The following CD2AP variants were observed in gnomAD, a reference collection of about 807,000 sequenced individuals.
CD2AP encodes the protein CD2 associated protein, also known as CD2-associated protein.
A neutral mutation model predicts 85.1 loss-of-function variants in CD2AP; 46 were observed. The observed-to-expected ratio is 0.54, with a 90% CI of 0.43 to 0.69. The LOEUF is 0.69. CD2AP is among the 30% of genes least tolerant of loss of function. The probability of loss-of-function intolerance (pLI) is 0.00; values close to 1 mark genes in which losing one functional copy is unlikely to be tolerated. For synonymous variants in CD2AP, 255 were observed against 252.9 expected (o/e 1.01, Z -0.08); for missense variants, 769 against 729.5 (o/e 1.05, Z -0.62).
intron 2 of CD2AP, among the ~76,000 whole-genome samples, chr6:47,505,843 C>CG (rs1214225662): frequency 8.7e-5 from 10 of 114,310 alleles, no homozygotes; most frequent in Admixed American, 1.6e-4. Flanking sequence ...GCTGTCCGGG[C>CG]GGGGGGGCTG....
chr6:47,583,730 G>T (rs1296915868), intron 11 of CD2AP, among the ~76,000 whole-genome samples: 1 of 152,170 alleles, frequency 6.6e-6, no homozygotes, highest in South Asian at 2.1e-4. Flanking sequence ...CTATAAATGT[G>T]TGTAGGTCTT....
chr6:47,537,115 T>C (rs927690563), intron 3 of CD2AP, among the ~76,000 whole-genome samples: 1 of 152,246 alleles, frequency 6.6e-6, no homozygotes, highest in Non-Finnish European at 1.5e-5. Context: ...GTGTTTATAC[T>C]GCAAGGGATG....
At position 47,514,479 on chromosome 6, in the gene CD2AP, T is replaced by A. The variant is rs536036078; in HGVS notation, c.165+11039T>A. On this transcript the variant is annotated intron_variant, in intron 2 of 17. Coordinates refer to ENST00000359314, the MANE Select transcript of CD2AP (RefSeq NM_012120.3). ...GGGTATAACTTTGATTCAGTATCAA[T>A]GTCTTGGCTAGTTCATATTTGGCAC... Among the ~76,000 whole-genome samples, 8 of 152,348 alleles carry A rather than the reference T, an allele frequency of 5.3e-5. No homozygotes were observed. In the South Asian group the frequency reaches 1.0e-3, roughly 20 times the overall value.
chr6:47,480,780 TC>T (rs1765422906), intron 1 of CD2AP, among the ~76,000 whole-genome samples: 1 of 152,238 alleles, frequency 6.6e-6, no homozygotes, highest in Non-Finnish European at 1.5e-5. Flanking sequence ...TAGGATATTT[TC>T]TTTAAATAAA....
chr6:47,477,916 CG>C lies in CD2AP; in HGVS notation c.-327del. The C allele has an allele frequency of 2.2e-6, 1 of 462,568 alleles. No individual in the cohort carries two copies. Among genetic ancestry groups the C allele is most frequent in the Non-Finnish European group, 3.9e-6 (1 of 258,590 alleles). The allele number at this position is 462,568 out of a possible 1,614,324, so 28.7% of individuals were successfully genotyped here. A position where few individuals can be genotyped will look rare whatever the true frequency, so the allele number is the denominator to read the frequency against. The stretch of plus-strand genomic sequence containing the variant: ...GTTGGAGCCGAGGGTCTGGGCAAAC[CG>C]GTGGGTCCCTCCCCACTGCGGGAGC... On this transcript the variant is annotated 5_prime_UTR_variant, in exon 1 of 18. Transcript: ENST00000359314.
At chr6:47,552,922 A>C (rs1767566294) in intron 4 of CD2AP, among the ~76,000 whole-genome samples, 1 of 151,848 alleles carries the variant, frequency 6.6e-6, no homozygotes, top group African/African-American at 2.4e-5. Context: ...TTTTTAAGTT[A>C]CTATAGTTTT....
At chr6:47,580,567 G>T (rs1442089221) in intron 9 of CD2AP, among the ~76,000 whole-genome samples, 1 of 152,094 alleles carries the variant, frequency 6.6e-6, no homozygotes, top group African/African-American at 2.4e-5. Context: ...CTTAACCTAG[G>T]GGAGGCAGAG....
chr6:47,585,101 G>A lies in CD2AP; in HGVS notation c.1108+3036G>A, dbSNP rs556374655. ...GAGGTCAGGACATTGAGACCATCCT[G>A]GCTAACACGGTGAAACCCCGTCTCT... is the stretch of plus-strand genomic sequence containing the variant. On this transcript the variant is annotated intron_variant, in intron 11 of 17. Transcript: ENST00000359314. Among the ~76,000 whole-genome samples the A allele has an allele frequency of 1.1e-4, 16 of 151,862 alleles. No individual in the cohort carries two copies. In the South Asian group the frequency reaches 3.3e-3, roughly 32 times the overall value.
intron 4 of CD2AP, among the ~76,000 whole-genome samples, chr6:47,553,861 G>T (rs1392176713): frequency 1.3e-5 from 2 of 152,098 alleles, no homozygotes; most frequent in African/African-American, 2.4e-5. Flanking sequence ...TGACATCTGG[G>T]TTTTTAAAAG....
intron 1 of CD2AP, among the ~76,000 whole-genome samples, chr6:47,497,386 G>T (rs1271371630): frequency 2.5e-5 from 3 of 118,732 alleles, no homozygotes; most frequent in South Asian, 2.9e-4. Context: ...CTTCCCTGTC[G>T]CCTTCCCTTT....
rs373177642 is a variant in CD2AP, at chr6:47,580,880, C to T, written c.1025C>T (p.Pro342Leu). Residue 342 changes from proline to leucine, a missense_variant, in exon 10 of 18, where the codon CCA becomes CTA. Transcript: ENST00000359314. ...DKDFPKPKKP[P>L]PPAKAPAPKP... Reference sequence around the variant, plus strand: ...TTTTAACAGAAACCAAAGAAACCACCACCTCCTGCTAAGGCTCCAGGTATG... The same window carrying T: ...TTTTAACAGAAACCAAAGAAACCACTACCTCCTGCTAAGGCTCCAGGTATG... 1 of 1,608,502 alleles carries T rather than the reference C, an allele frequency of 6.2e-7. No homozygotes were observed. Among genetic ancestry groups the T allele is most frequent in the African/African-American group, 1.3e-5 (1 of 74,768 alleles).
intron 4 of CD2AP, among the ~76,000 whole-genome samples, chr6:47,554,401 T>A (rs2114062107): frequency 6.6e-6 from 1 of 152,246 alleles, no homozygotes; most frequent in East Asian, 1.9e-4. Flanking sequence ...AGATTGCGAT[T>A]GATTACAAAT....
chr6:47,585,079 G>T (rs781327060), intron 11 of CD2AP, among the ~76,000 whole-genome samples: 5 of 151,794 alleles, frequency 3.3e-5, no homozygotes, highest in Non-Finnish European at 5.9e-5. Context: ...GGATCATGAG[G>T]TCAGGACATT....
intron 4 of CD2AP, among the ~76,000 whole-genome samples, chr6:47,548,349 A>C (rs537802365): frequency 1.3e-5 from 2 of 152,340 alleles, no homozygotes; most frequent in East Asian, 3.8e-4. Context: ...AAATAAGCTC[A>C]GTTAGAAACA....
intron 2 of CD2AP, among the ~76,000 whole-genome samples, chr6:47,512,103 A>G (rs185938855): frequency 1.3e-5 from 2 of 152,210 alleles, no homozygotes; most frequent in East Asian, 1.9e-4. Flanking sequence ...GCTTGCAGTG[A>G]GCCGAGATCG....
At chr6:47,586,445 C>G (rs915827576) in intron 11 of CD2AP, among the ~76,000 whole-genome samples, 1 of 151,842 alleles carries the variant, frequency 6.6e-6, no homozygotes, top group Non-Finnish European at 1.5e-5. Context: ...ATTGGGGTAC[C>G]TAATGGAAAG....
chr6:47,540,445 A>G (rs966768958), intron 3 of CD2AP, among the ~76,000 whole-genome samples: 2 of 152,188 alleles, frequency 1.3e-5, no homozygotes, highest in Non-Finnish European at 2.9e-5. Flanking sequence ...AACCCTATTT[A>G]AATATGAAAT....
intron 2 of CD2AP, among the ~76,000 whole-genome samples, chr6:47,517,678 A>G (rs1766489109): frequency 6.6e-6 from 1 of 152,162 alleles, no homozygotes; most frequent in Admixed American, 6.5e-5. Flanking sequence ...CCAAGTCTTC[A>G]TGATATTTCT....
At position 47,532,987 on chromosome 6, in the gene CD2AP, T is replaced by C. The variant is rs539739879; in HGVS notation, c.166-615T>C. Among the ~76,000 whole-genome samples the C allele has an allele frequency of 1.4e-4, 22 of 152,328 alleles. No individual in the cohort carries two copies. In the South Asian group the frequency reaches 1.4e-3, roughly 10 times the overall value. Reference sequence around the variant, plus strand: ...TGACTTAGATCAGGGGCTATCAAACTACCAGCCCACAGGACAAGTCTGAAT... The same window carrying C: ...TGACTTAGATCAGGGGCTATCAAACCACCAGCCCACAGGACAAGTCTGAAT... On this transcript the variant is annotated intron_variant, in intron 2 of 17. Coordinates refer to ENST00000359314, the MANE Select transcript of CD2AP (RefSeq NM_012120.3).
Sources: allele counts gnomAD v4.1 joint callset (sites outside exome capture counted in the v4.1 genomes callset), GRCh38; gene constraint gnomAD v4.1.1; transcripts MANE v1.5; gene names NCBI Gene and HGNC (gene_info 2026-07-23, HGNC 2026-07-21).